ZNF331: variants seen among roughly 807,000 people sequenced by gnomAD.
ZNF331 encodes C2H2-like zinc finger protein rearranged in thyroid adenomas.
Under a neutral mutation model 7.0 loss-of-function variants are expected in ZNF331, and 2 were observed. That is an observed-to-expected ratio of 0.29 (90% confidence interval 0.12 to 0.90). ZNF331 has a LOEUF of 0.90. ZNF331 is among the 40% of genes least tolerant of loss of function. ZNF331 has a pLI of 0.58. For missense variants in ZNF331, 432 were observed against 587.7 expected, an observed-to-expected ratio of 0.74 and a Z score of 2.74; for synonymous variants, 196 against 205.4, an observed-to-expected ratio of 0.95 and a Z score of 0.39.
intron 4 of ZNF331, 144 bp downstream of exon 4, chr19:53,569,529 G>A (rs2090335395): frequency 4.5e-6 from 4 of 886,582 alleles, no homozygotes; most frequent in South Asian, 3.3e-5. Flanking sequence ...GAATGATAAT[G>A]CCACGTAGCT....
Position 53,573,017 on chromosome 19 carries a change from G to A in ZNF331, c.136+1287G>A. 6.6e-6 allele frequency among the ~76,000 whole-genome samples: 1 copy of A among 152,102 alleles called. No individual in the cohort carries two copies. The highest frequency in any genetic ancestry group is 1.9e-4 in the East Asian group (1 of 5,188). On this transcript the variant is annotated intron_variant, in intron 5 of 5. Transcript: ENST00000449416. The surrounding 1 kb of genome is among the most constrained non-coding windows in gnomAD (Gnocchi z 4.2). ...GCGGATCACTGGAGGTCAGGAGTTA[G>A]AGACCAGCCTGGCCAACATGGTGAA...
upstream of ZNF331, among the ~76,000 whole-genome samples, chr19:53,519,437 A>C (rs764269150): frequency 6.6e-6 from 1 of 152,202 alleles, no homozygotes; most frequent in Non-Finnish European, 1.5e-5. Context: ...GCGAACAAAG[A>C]CCCAATTAAA....
At chr19:53,575,080 G>A (rs1225738504) in intron 5 of ZNF331, among the ~76,000 whole-genome samples, 3 of 148,096 alleles carry the variant, frequency 2.0e-5, no homozygotes, top group Non-Finnish European at 4.4e-5. Context: ...GGGACTATAG[G>A]TGTACACCAC....
chr19:53,557,731 G>A (rs1180862000), intron 3 of ZNF331, among the ~76,000 whole-genome samples: 1 of 85,134 alleles, frequency 1.2e-5, no homozygotes, highest in African/African-American at 6.9e-5. Context: ...AGGAGGCCGA[G>A]GCGGATAGAT....
intron 3 of ZNF331, among the ~76,000 whole-genome samples, chr19:53,562,048 T>C (rs1031512185): frequency 5.9e-5 from 9 of 152,186 alleles, no homozygotes; most frequent in Non-Finnish European, 1.2e-4. Flanking sequence ...CTTGGGAGGC[T>C]GAGGCAGGAG....
intron 2 of ZNF331, among the ~76,000 whole-genome samples, chr19:53,530,543 AG>A (rs2147264044): frequency 6.6e-6 from 1 of 152,372 alleles, no homozygotes; most frequent in Non-Finnish European, 1.5e-5. Flanking sequence ...TTTGATGCAA[AG>A]GGAAGACCAA....
chr19:53,557,944 T>A (rs1568508048), intron 3 of ZNF331, among the ~76,000 whole-genome samples: 1 of 152,128 alleles, frequency 6.6e-6, no homozygotes, highest in African/African-American at 2.4e-5. Context: ...CCAGCCTAGG[T>A]GACAGAGCGA....
At chr19:53,506,334 C>CCAA in the ZNF331 span, among the ~76,000 whole-genome samples, 12 of 39,550 alleles carry the variant, frequency 3.0e-4, no homozygotes, top group African/African-American at 1.0e-3. Flanking sequence ...GACTCCGTCT[C>CCAA]AAAAAAAAAA....
chr19:53,513,462 T>C, the ZNF331 span, among the ~76,000 whole-genome samples: 1 of 151,676 alleles, frequency 6.6e-6, no homozygotes, highest in East Asian at 1.9e-4. Flanking sequence ...TTTAAAAATA[T>C]AATTGCTCTA....
At chr19:53,535,421 A>C (rs2087709269), upstream of ZNF331, among the ~76,000 whole-genome samples, 1 of 152,166 alleles carries the variant, frequency 6.6e-6, no homozygotes, top group Non-Finnish European at 1.5e-5. Context: ...ATCTAAAGAT[A>C]ATTACTGTTA....
At chr19:53,561,975 C>T (rs929382113) in intron 3 of ZNF331, among the ~76,000 whole-genome samples, 3 of 151,886 alleles carry the variant, frequency 2.0e-5, no homozygotes, top group African/African-American at 7.3e-5. Flanking sequence ...TGGTGAAACG[C>T]CGTCTCTACA....
chr19:53,544,493 C>A (rs1407056475), intron 2 of ZNF331, among the ~76,000 whole-genome samples: 1 of 137,754 alleles, frequency 7.3e-6, no homozygotes, highest in Non-Finnish European at 1.5e-5. Context: ...TGCAGTGAGC[C>A]GAGATCACGC....
chr19:53,572,601 CACATATATATTAT>C (rs1227309992), intron 5 of ZNF331, among the ~76,000 whole-genome samples: 5 of 62,020 alleles, frequency 8.1e-5, no homozygotes, highest in African/African-American at 1.8e-4. Context: ...ATTATATATA[CACATATATATTAT>C]ATATACACAT....
rs926066389 is a variant in ZNF331 at position 53,571,977 on chromosome 19, T to A, written c.136+247T>A. Among the ~76,000 whole-genome samples, 6 of 152,174 alleles carry A rather than the reference T, an allele frequency of 3.9e-5. No homozygotes were observed. Among genetic ancestry groups the A allele is most frequent in the Non-Finnish European group, 7.3e-5 (5 of 68,042 alleles). ...TTAATGTCCGTGGAATGAGTGGGAA[T>A]TCTGGGATATTTATTTCATGACCAT... On this transcript the variant is annotated intron_variant, in intron 5 of 5. Coordinates refer to ENST00000449416, the MANE Select transcript of ZNF331 (RefSeq NM_001079906.2). The surrounding 1 kb of genome is among the most constrained non-coding windows in gnomAD (Gnocchi z 4.7).
chr19:53,576,880 A>T lies in ZNF331; in HGVS notation c.320A>T (p.Tyr107Phe). The T allele has an allele frequency of 6.2e-7, 1 of 1,614,184 alleles. No individual in the cohort carries two copies. The highest frequency in any genetic ancestry group is 1.3e-5 in the African/African-American group (1 of 75,054). ...TATGTCAATCAGATGATCATCAATTATGTCAAAAGACCTGCTACTAGAGAA... is the reference window on the plus strand; with the variant it reads ...TATGTCAATCAGATGATCATCAATTTTGTCAAAAGACCTGCTACTAGAGAA... ...GRYVNQMIIN[Y>F]VKRPATREGT... The change falls in exon 6 of 6, where the codon TAT (tyrosine) becomes TTT (phenylalanine). Residue 107 changes from tyrosine to phenylalanine, a missense_variant. Coordinates refer to ENST00000449416, the MANE Select transcript of ZNF331 (RefSeq NM_001079906.2).
upstream of ZNF331, among the ~76,000 whole-genome samples, chr19:53,518,420 T>C (rs1315832328): frequency 6.6e-6 from 1 of 152,166 alleles, no homozygotes; most frequent in African/African-American, 2.4e-5. Context: ...AGATGGCCTA[T>C]CATGGGACTG....
chr19:53,569,077 C>T (rs185580350), intron 3 of ZNF331, among the ~76,000 whole-genome samples: 328 of 152,082 alleles, frequency 2.2e-3, no homozygotes, highest in African/African-American at 7.7e-3. Flanking sequence ...AAGATGGTCT[C>T]GATCTCCTAA....
intron 2 of ZNF331, among the ~76,000 whole-genome samples, chr19:53,541,883 C>G (rs1376994855): frequency 6.6e-6 from 1 of 152,010 alleles, no homozygotes; most frequent in Non-Finnish European, 1.5e-5. Context: ...CATGGTGATG[C>G]ATACCTATAG....
At chr19:53,535,217 G>T (rs1166748390), upstream of ZNF331, among the ~76,000 whole-genome samples, 1 of 151,750 alleles carries the variant, frequency 6.6e-6, no homozygotes, top group Non-Finnish European at 1.5e-5. Context: ...TCAGCCTCCT[G>T]AGTAGCTGGG....
Sources: gnomAD v4.1 joint callset for allele counts (sites outside exome capture counted in the v4.1 genomes callset) on GRCh38, gnomAD v4.1.1 for gene constraint, Gnocchi (gnomAD v3.1) non-coding constraint, MANE v1.5 for transcripts, NCBI Gene and HGNC (gene_info 2026-07-23, HGNC 2026-07-21) for gene names.